The following GSE1 variants were observed in gnomAD, a reference collection of about 807,000 sequenced individuals.
The protein encoded by GSE1 is genetic suppressor element 1.
In GSE1, 32 loss-of-function variants were observed where a neutral mutation model predicts 112.6. The observed-to-expected ratio is 0.28, with a 90% CI of 0.21 to 0.38. GSE1 has a LOEUF of 0.38. Ranked by LOEUF, GSE1 falls within the 10% of genes least tolerant of loss-of-function variation. The pLI is 1.00. For synonymous variants in GSE1, 1,115 were observed against 735.6 expected (o/e 1.52, Z -8.35); for missense variants, 2,348 against 1,699.2 (o/e 1.38, Z -6.71).
At chr16:85,287,168 C>T (rs2045057248) in intron 1 of GSE1, among the ~76,000 whole-genome samples, 1 of 152,194 alleles carries the variant, frequency 6.6e-6, no homozygotes, top group East Asian at 1.9e-4. Flanking sequence ...AGGCGAGTGC[C>T]GGGGTCTGTT....
At chr16:85,361,519 C>G (rs1297696071) in intron 2 of GSE1, among the ~76,000 whole-genome samples, 1 of 152,140 alleles carries the variant, frequency 6.6e-6, no homozygotes, top group African/African-American at 2.4e-5. Context: ...CCCTCTCTGT[C>G]TCTCTGGCCC....
intron 2 of GSE1, among the ~76,000 whole-genome samples, chr16:85,430,789 GCCTGGAGCGGAGGT>G (rs2151759677): frequency 6.6e-6 from 1 of 152,312 alleles, no homozygotes; most frequent in African/African-American, 2.4e-5. Flanking sequence ...CTCCATCAGG[GCCTGGAGCGGAGGT>G]CCCCCCACTT....
chr16:85,334,462 C>T (rs574429922), intron 1 of GSE1, among the ~76,000 whole-genome samples: 1 of 152,234 alleles, frequency 6.6e-6, no homozygotes, highest in Non-Finnish European at 1.5e-5. Context: ...CCATGATGAG[C>T]TCTCCTCTCC....
At chr16:85,579,647 G>T (rs560122734) in intron 1 of GSE1, among the ~76,000 whole-genome samples, 1 of 152,136 alleles carries the variant, frequency 6.6e-6, no homozygotes, top group African/African-American at 2.4e-5. Flanking sequence ...TGTGTTTTTG[G>T]TGCGGCCTCC....
chr16:85,634,013 G>A lies in GSE1; in HGVS notation c.107G>A (p.Gly36Asp), dbSNP rs1278486668. 5.0e-6 allele frequency: 8 copies of A among 1,612,098 alleles called. No homozygotes were observed. Among genetic ancestry groups the A allele is most frequent in the Non-Finnish European group, 5.9e-6 (7 of 1,179,342 alleles). Residue 36 changes from glycine (G) to aspartate (D), a missense_variant, in exon 2 of 16, where the codon GGC (glycine) becomes GAC (aspartate). Transcript: ENST00000253458. ...CCCCTCACCCCCTCGCCGCTCAATG[G>A]CGCCCTGGTGCCCAGCGGCAGCCCC... ...VNPLTPSPLN[G>D]ALVPSGSPAT...
intron 2 of GSE1, chr16:85,357,767 G>A: frequency 2.1e-6 from 1 of 474,244 alleles, no homozygotes. Context: ...CATCCTAGGG[G>A]AGAGACCGGG....
chr16:85,549,213 C>T lies in GSE1; in HGVS notation c.2465-84701C>T, dbSNP rs182251531. On this transcript the variant is annotated intron_variant, in intron 2 of 2. Coordinates refer to the GSE1 transcript ENST00000637419. ...TTTTGAGACAGGGTCTTTGCTCTGTCGCCTAGGCTGGAATGCAGTGGCACA... is the reference window on the plus strand; with the variant it reads ...TTTTGAGACAGGGTCTTTGCTCTGTTGCCTAGGCTGGAATGCAGTGGCACA... Among the ~76,000 whole-genome samples the T allele has an allele frequency of 2.6e-3, 395 of 150,128 alleles. 1 individual carries two copies. Among genetic ancestry groups the T allele is most frequent in the African/African-American group, 9.1e-3 (370 of 40,840 alleles).
chr16:85,496,501 G>A (rs1306467059), intron 2 of GSE1, among the ~76,000 whole-genome samples: 1 of 152,248 alleles, frequency 6.6e-6, no homozygotes, highest in Admixed American at 6.5e-5. Context: ...AGCCCGGGTG[G>A]CCTCGGTGCG....
intron 1 of GSE1, among the ~76,000 whole-genome samples, chr16:85,291,192 C>T (rs1444903173): frequency 1.3e-5 from 2 of 152,202 alleles, no homozygotes; most frequent in African/African-American, 4.8e-5. Flanking sequence ...GGTCTCTCAG[C>T]AGAGCTGGAC....
At chr16:85,480,452 A>G (rs1199909561) in intron 2 of GSE1, among the ~76,000 whole-genome samples, 1 of 151,564 alleles carries the variant, frequency 6.6e-6, no homozygotes. Flanking sequence ...CTCTGCCGCC[A>G]CCTCCACTCC....
chr16:85,296,225 C>T (rs2045362520), intron 1 of GSE1, among the ~76,000 whole-genome samples: 1 of 152,164 alleles, frequency 6.6e-6, no homozygotes. Context: ...CTCCCCGTGG[C>T]CAGTCTCTAA....
chr16:85,387,921 T>C lies in GSE1; in HGVS notation c.2464+30278T>C, dbSNP rs570529076. Reference sequence around the variant, plus strand: ...ATTTGTGAGTGGATAGGTGGGTGAGTGGATGGATGGATGGATGGATGGATG... The same window carrying C: ...ATTTGTGAGTGGATAGGTGGGTGAGCGGATGGATGGATGGATGGATGGATG... On this transcript the variant is annotated intron_variant, in intron 2 of 2. Transcript: ENST00000637419. Among the ~76,000 whole-genome samples the C allele has an allele frequency of 3.8e-5, 5 of 132,244 alleles. No individual in the cohort carries two copies. The South Asian group carries it at 1.1e-3, about 29-fold the overall frequency. The allele number at this position is 132,244 out of a possible 152,430, so 86.8% of individuals were successfully genotyped here. A position where few individuals can be genotyped will look rare whatever the true frequency, so the allele number is the denominator to read the frequency against.
chr16:85,291,159 T>C (rs1322514725), intron 1 of GSE1, among the ~76,000 whole-genome samples: 1 of 152,172 alleles, frequency 6.6e-6, no homozygotes, highest in Non-Finnish European at 1.5e-5. Context: ...CTGAGGCATG[T>C]AGTGGGTATG....
intron 1 of GSE1, among the ~76,000 whole-genome samples, chr16:85,346,943 G>A (rs910434491): frequency 6.6e-6 from 1 of 152,142 alleles, no homozygotes; most frequent in Non-Finnish European, 1.5e-5. Context: ...TGGTGGACAG[G>A]TGGGTGGATG....
chr16:85,483,475 A>C (rs2050744766), intron 2 of GSE1, among the ~76,000 whole-genome samples: 1 of 152,252 alleles, frequency 6.6e-6, no homozygotes, highest in Non-Finnish European at 1.5e-5. Context: ...GAGCCTGTCT[A>C]GTTCCCGTGG....
rs747150172 is a variant in GSE1 at position 85,666,026 on chromosome 16, G to T, written c.2809G>T (p.Ala937Ser). 2 of 1,613,644 alleles carry T rather than the reference G, an allele frequency of 1.2e-6. No individual in the cohort carries two copies. Among genetic ancestry groups the T allele is most frequent in the Non-Finnish European group, 1.7e-6 (2 of 1,179,936 alleles). The change falls in exon 13 of 16, where the codon GCT becomes TCT. Residue 937 changes from alanine (A) to serine (S), a missense_variant. By Grantham distance (99) the Ala-to-Ser change is moderately conservative. Coordinates refer to ENST00000253458, the MANE Select transcript of GSE1 (RefSeq NM_014615.5). ...GGATGTGGAGAAGCCGGTTGGTGTTGCTGCTTCCTTGTCTGACATCCCAAA... is the reference window on the plus strand; with the variant it reads ...GGATGTGGAGAAGCCGGTTGGTGTTTCTGCTTCCTTGTCTGACATCCCAAA... ...SLDVEKPVGV[A>S]ASLSDIPKAA...
chr16:85,291,252 C>T (rs1474557829), intron 1 of GSE1, among the ~76,000 whole-genome samples: 1 of 152,226 alleles, frequency 6.6e-6, no homozygotes, highest in African/African-American at 2.4e-5. Context: ...TGAGCCTGCT[C>T]AGAGCTTGAG....
chr16:85,513,261 G>A (rs28437449), intron 2 of GSE1, among the ~76,000 whole-genome samples: 7,102 of 151,952 alleles, frequency 0.047, 551 homozygotes, highest in African/African-American at 0.16. Context: ...TTTCCCTCCC[G>A]GCTCAGAGAT....
At chr16:85,298,325 C>G (rs2045424395) in intron 1 of GSE1, among the ~76,000 whole-genome samples, 1 of 152,230 alleles carries the variant, frequency 6.6e-6, no homozygotes, top group African/African-American at 2.4e-5. Flanking sequence ...AGCGCTTTAT[C>G]TCCACCTCCT....
Sources: gnomAD v4.1 joint callset for allele counts (sites outside exome capture counted in the v4.1 genomes callset) on GRCh38, gnomAD v4.1.1 for gene constraint, MANE v1.5 for transcripts, NCBI Gene and HGNC (gene_info 2026-07-23, HGNC 2026-07-21) for gene names.